The following SPMAP2L variants were observed in gnomAD, a reference collection of about 807,000 sequenced individuals.
SPMAP2L encodes the protein sperm microtubule associated protein 2 like, also known as sperm microtubule associated protein 2-like.
At chr4:56,575,545 T>C in the SPMAP2L span, 4 of 1,535,470 alleles carry the variant, frequency 2.6e-6, no homozygotes, top group Non-Finnish European at 3.5e-6. Flanking sequence ...GTCTGTAATT[T>C]GGGAGATCAC....
At chr4:56,574,451 C>G in the SPMAP2L span, among the ~76,000 whole-genome samples, 1,037 of 152,122 alleles carry the variant, frequency 6.8e-3, 16 homozygotes, top group African/African-American at 0.024. Context: ...AAAAGAAGAA[C>G]AATATTATTA....
chr4:56,545,065 A>G, the SPMAP2L span, among the ~76,000 whole-genome samples: 1 of 152,146 alleles, frequency 6.6e-6, no homozygotes, highest in East Asian at 1.9e-4. Flanking sequence ...GGCTACTGAC[A>G]TTTGCATGTG....
At chr4:56,550,106 G>A in the SPMAP2L span, among the ~76,000 whole-genome samples, 10 of 152,024 alleles carry the variant, frequency 6.6e-5, 1 homozygote, top group Admixed American at 5.9e-4. Context: ...TCATTTACAT[G>A]TATGGTTATT....
At chr4:56,532,113 C>T in the SPMAP2L span, among the ~76,000 whole-genome samples, 1 of 152,204 alleles carries the variant, frequency 6.6e-6, no homozygotes, top group African/African-American at 2.4e-5. Context: ...GGTCACTTGG[C>T]ACTGCCTGGC....
chr4:56,578,504 T>G, the SPMAP2L span, among the ~76,000 whole-genome samples: 4 of 152,198 alleles, frequency 2.6e-5, no homozygotes, highest in African/African-American at 7.2e-5. Flanking sequence ...TTACATTAAA[T>G]GTACATTACA....
the SPMAP2L span, among the ~76,000 whole-genome samples, chr4:56,551,970 T>G: frequency 6.6e-6 from 1 of 152,122 alleles, no homozygotes; most frequent in Non-Finnish European, 1.5e-5. Context: ...GACGTGACAG[T>G]TATGTCACTC....
At chr4:56,603,311 T>G in the SPMAP2L span, 230 of 1,532,856 alleles carry the variant, frequency 1.5e-4, no homozygotes, top group Non-Finnish European at 1.9e-4. Flanking sequence ...TGTCACAACC[T>G]CTTACACGTT....
At chr4:56,594,939 G>A in the SPMAP2L span, 1 of 1,612,122 alleles carries the variant, frequency 6.2e-7, no homozygotes, top group Non-Finnish European at 8.5e-7. Flanking sequence ...ATTCCCCACA[G>A]AGGAGGTGGT....
chr4:56,599,913 A>G, the SPMAP2L span, among the ~76,000 whole-genome samples: 2 of 152,124 alleles, frequency 1.3e-5, no homozygotes, highest in Non-Finnish European at 2.9e-5. Flanking sequence ...ATAAAACTCA[A>G]CATCACTGAT....
the SPMAP2L span, among the ~76,000 whole-genome samples, chr4:56,556,105 C>T: frequency 6.6e-6 from 1 of 152,192 alleles, no homozygotes. Flanking sequence ...AATCTACATC[C>T]ATTGCCCACA....
At chr4:56,582,247 G>C in the SPMAP2L span, among the ~76,000 whole-genome samples, 2 of 152,082 alleles carry the variant, frequency 1.3e-5, no homozygotes, top group Admixed American at 6.5e-5. Flanking sequence ...ACACTACCAA[G>C]AGAGTGAAAA....
the SPMAP2L span, chr4:56,601,199 T>C: frequency 7.8e-7 from 1 of 1,275,822 alleles, no homozygotes; most frequent in Non-Finnish European, 1.0e-6. Flanking sequence ...ATGAAAAGAG[T>C]TGTAGAAATA....
At chr4:56,545,718 C>CAAAAA in the SPMAP2L span, among the ~76,000 whole-genome samples, 1 of 94,134 alleles carries the variant, frequency 1.1e-5, no homozygotes, top group African/African-American at 4.0e-5. Flanking sequence ...GACCCTGTCT[C>CAAAAA]AAAAAAAAAA....
chr4:56,605,351 G>T, the SPMAP2L span, among the ~76,000 whole-genome samples: 11 of 152,102 alleles, frequency 7.2e-5, no homozygotes, highest in Non-Finnish European at 1.3e-4. Context: ...GGACTCTTTA[G>T]CTTATTGGGA....
At chr4:56,557,891 C>T in the SPMAP2L span, 7 of 152,186 alleles carry the variant, frequency 4.6e-5, no homozygotes, top group Non-Finnish European at 8.8e-5. Context: ...TAAAGTGGTA[C>T]ATTATCTGTT....
the SPMAP2L span, among the ~76,000 whole-genome samples, chr4:56,533,063 A>G: frequency 6.6e-6 from 1 of 152,092 alleles, no homozygotes; most frequent in African/African-American, 2.4e-5. Context: ...CTCACCTTAT[A>G]TTCCATGGAC....
chr4:56,539,925 C>T, the SPMAP2L span, among the ~76,000 whole-genome samples: 2 of 152,212 alleles, frequency 1.3e-5, no homozygotes, highest in South Asian at 2.1e-4. Flanking sequence ...GTCTTTCTAC[C>T]TGAAAGGTAA....
the SPMAP2L span, among the ~76,000 whole-genome samples, chr4:56,580,033 C>A: frequency 6.8e-3 from 1,042 of 152,228 alleles, 14 homozygotes; most frequent in African/African-American, 0.024. Flanking sequence ...TTCCTTCAAA[C>A]TCTCAAAAAA....
chr4:56,576,131 A>G, the SPMAP2L span, among the ~76,000 whole-genome samples: 1 of 152,146 alleles, frequency 6.6e-6, no homozygotes, highest in Non-Finnish European at 1.5e-5. Context: ...AGTTGTGGAG[A>G]GGTGATAGTG....
Sources: gnomAD v4.1 joint callset for allele counts (sites outside exome capture counted in the v4.1 genomes callset) on GRCh38, gnomAD v4.1.1 for gene constraint, MANE v1.5 for transcripts, NCBI Gene and HGNC (gene_info 2026-07-23, HGNC 2026-07-21) for gene names.